The following DYNLRB2 variants were observed in gnomAD, a reference collection of about 807,000 sequenced individuals.
DYNLRB2 encodes the protein dynein light chain roadblock-type 2.
Under a neutral mutation model 12.6 loss-of-function variants are expected in DYNLRB2, and 14 were observed. That is an observed-to-expected ratio of 1.11 (90% CI 0.73 to 1.73). The LOEUF is 1.73. Ranked by LOEUF, DYNLRB2 falls within the 40% of genes most tolerant of loss-of-function variation. The pLI is 0.00. For synonymous variants in DYNLRB2, 53 were observed against 37.0 expected, an observed-to-expected ratio of 1.43 and a Z score of -1.57; for missense variants, 142 against 117.7, an observed-to-expected ratio of 1.21 and a Z score of -0.95.
intron 1 of DYNLRB2, among the ~76,000 whole-genome samples, chr16:80,543,071 T>C (rs898247557): frequency 2.0e-5 from 3 of 152,232 alleles, no homozygotes; most frequent in Admixed American, 6.5e-5. Flanking sequence ...AAGAGATTCA[T>C]CAGGATTGTA....
At chr16:80,547,792 G>A (rs1177716426) in intron 2 of DYNLRB2, 5 of 456,470 alleles carry the variant, frequency 1.1e-5, no homozygotes, top group Non-Finnish European at 1.8e-5. Flanking sequence ...ATGCAAGACA[G>A]CTGACTGCCT....
upstream of DYNLRB2, chr16:80,540,941 C>G: frequency 1.3e-6 from 2 of 1,508,912 alleles, no homozygotes; most frequent in South Asian, 1.2e-5. Flanking sequence ...AAAGCCGACT[C>G]GCGAGCGCGC....
chr16:80,543,463 T>G, intron 2 of DYNLRB2, 112 bp downstream of exon 2: 3 of 1,014,116 alleles, frequency 3.0e-6, no homozygotes, highest in Non-Finnish European at 4.4e-6. Flanking sequence ...AATATATTTA[T>G]ATATTTTAGC....
At chr16:80,547,929 G>A (rs1904580965) in intron 2 of DYNLRB2, 2 of 364,550 alleles carry the variant, frequency 5.5e-6, no homozygotes, top group South Asian at 2.0e-5. Context: ...TCTGGACATA[G>A]CAGTTATCTT....
intron 1 of DYNLRB2, chr16:80,541,465 A>C (rs902817243): frequency 1.1e-6 from 1 of 889,746 alleles, no homozygotes; most frequent in Non-Finnish European, 1.3e-6. Context: ...GAGAGAAGGA[A>C]GAGGTGGGAC....
At chr16:80,542,270 A>G (rs1904294890) in intron 1 of DYNLRB2, among the ~76,000 whole-genome samples, 1 of 152,334 alleles carries the variant, frequency 6.6e-6, no homozygotes, top group Admixed American at 6.5e-5. Context: ...AGCTTTTAGC[A>G]GTGAGATAAT....
rs1436574083 is a variant in DYNLRB2 at position 80,549,579 on chromosome 16, G to C, written c.175G>C (p.Asp59His). ...AATGAAAGCCAAAAGCACAGTTCGT[G>C]ATATTGATCCTCAGAACGACCTGAC... ...LTMKAKSTVRDIDPQNDLTFL... is the reference protein window; with the variant it reads ...LTMKAKSTVRHIDPQNDLTFL... The change falls in exon 3 of 4, where the codon GAT (aspartate) becomes CAT (histidine). Residue 59 changes from aspartate to histidine, a missense_variant. Coordinates refer to ENST00000305904, the MANE Select transcript of DYNLRB2 (RefSeq NM_130897.3). 1.2e-6 allele frequency: 2 copies of C among 1,612,670 alleles called. No individual in the cohort carries two copies. The highest frequency in any genetic ancestry group is 2.2e-5 in the South Asian group (2 of 90,894).
At position 80,547,336 on chromosome 16, in the gene DYNLRB2, C is replaced by T. The variant is rs948583233; in HGVS notation, c.80-2148C>T. On this transcript the variant is annotated intron_variant, in intron 2 of 3. Coordinates refer to ENST00000305904, the MANE Select transcript of DYNLRB2 (RefSeq NM_130897.3). ...GCTTCTAAGAAACCAGTGGTTGTTT[C>T]TCAGAAGGGAAGTGGGTAAATTTTA... Among the ~76,000 whole-genome samples the T allele has an allele frequency of 2.0e-5, 3 of 152,152 alleles. No individual in the cohort carries two copies. In the East Asian group the frequency reaches 5.8e-4, roughly 29 times the overall value.
chr16:80,540,913 G>A (rs887571595), upstream of DYNLRB2: 7 of 1,305,238 alleles, frequency 5.4e-6, no homozygotes, highest in Admixed American at 2.0e-5. Context: ...GAGGCATCAG[G>A]AGCGCGGTCA....
intron 2 of DYNLRB2, among the ~76,000 whole-genome samples, chr16:80,548,437 A>G (rs1332862025): frequency 6.6e-6 from 1 of 152,188 alleles, no homozygotes; most frequent in Non-Finnish European, 1.5e-5. Flanking sequence ...TAACAGAACA[A>G]TAGAGCAGAC....
chr16:80,543,397 G>C, intron 2 of DYNLRB2, 46 bp downstream of exon 2: 1 of 1,598,530 alleles, frequency 6.3e-7, no homozygotes, highest in Non-Finnish European at 8.6e-7. Context: ...AAGCCAACCA[G>C]GAACCTGTTT....
chr16:80,541,103 G>T, intron 1 of DYNLRB2, 24 bp downstream of exon 1: 1 of 1,592,948 alleles, frequency 6.3e-7, no homozygotes, highest in South Asian at 1.1e-5. Flanking sequence ...CTCCGTCCAC[G>T]CCCCGCCGTT....
In DYNLRB2 at chr16:80,541,076, G is replaced by T. The variant is rs763341973; in HGVS notation, c.-1G>T. ...GAGCCCAGAGTTTCGCGGCCTCCGC[G>T]ATGGTAAATCTGGGGTCTCCGTCCA... On this transcript the variant is annotated 5_prime_UTR_variant, in exon 1 of 4. Coordinates refer to ENST00000305904, the MANE Select transcript of DYNLRB2 (RefSeq NM_130897.3). 3 of 1,608,166 alleles carry T rather than the reference G, an allele frequency of 1.9e-6. No homozygotes were observed. Among genetic ancestry groups the T allele is most frequent in the African/African-American group, 1.3e-5 (1 of 74,864 alleles).
At chr16:80,547,939 TAAAAG>T (rs747524457) in intron 2 of DYNLRB2, 145 of 341,544 alleles carry the variant, frequency 4.2e-4, no homozygotes, top group Non-Finnish European at 6.4e-4. Context: ...GCAGTTATCT[TAAAAG>T]AAAGAGAAAT....
chr16:80,541,225 G>A (rs984736276), intron 1 of DYNLRB2, 146 bp downstream of exon 1: 11 of 1,431,810 alleles, frequency 7.7e-6, no homozygotes, highest in African/African-American at 2.9e-5. Context: ...TTCCTGGAGG[G>A]GCGAGAGGGA....
chr16:80,544,953 C>T (rs550919135), intron 2 of DYNLRB2, among the ~76,000 whole-genome samples: 3 of 152,142 alleles, frequency 2.0e-5, no homozygotes, highest in Non-Finnish European at 4.4e-5. Flanking sequence ...CCAATGTGAC[C>T]TCATCTTAAC....
chr16:80,549,031 A>G (rs1185792171), intron 2 of DYNLRB2: 2 of 455,910 alleles, frequency 4.4e-6, no homozygotes. Context: ...TTTCATATAA[A>G]AATATGTTAA....
At chr16:80,549,238 T>C (rs1439136553) in intron 2 of DYNLRB2, 3 of 424,460 alleles carry the variant, frequency 7.1e-6, no homozygotes, top group African/African-American at 5.9e-5. Context: ...ACAACTTGTA[T>C]GTTATAATTT....
chr16:80,545,851 T>G (rs1189712627), intron 2 of DYNLRB2, among the ~76,000 whole-genome samples: 98 of 2,190 alleles, frequency 0.045, 2 homozygotes, highest in Middle Eastern at 0.5. Context: ...AATTTTTTGT[T>G]TTTTTTTTTT....
Sources: allele counts gnomAD v4.1 joint callset (sites outside exome capture counted in the v4.1 genomes callset), GRCh38; gene constraint gnomAD v4.1.1; transcripts MANE v1.5; gene names NCBI Gene and HGNC (gene_info 2026-07-23, HGNC 2026-07-21).